NDUFS4: variants seen among roughly 807,000 people sequenced by gnomAD.
NDUFS4 encodes NADH dehydrogenase [ubiquinone] iron-sulfur protein 4, mitochondrial.
Under a neutral mutation model 24.3 loss-of-function variants are expected in NDUFS4, and 28 were observed. The observed-to-expected ratio is 1.15, with a 90% CI of 0.85 to 1.58. The LOEUF (loss-of-function observed/expected upper bound fraction) is 1.58. NDUFS4 is among the 40% of genes most tolerant of loss of function. NDUFS4 has a pLI of 0.00. For missense variants in NDUFS4, 223 were observed against 207.9 expected, an observed-to-expected ratio of 1.07 and a Z score of -0.45; for synonymous variants, 93 against 69.7, an observed-to-expected ratio of 1.34 and a Z score of -1.67.
chr5:53,634,502 A>T (rs1269873856), intron 2 of NDUFS4, among the ~76,000 whole-genome samples: 1 of 151,926 alleles, frequency 6.6e-6, no homozygotes, highest in Non-Finnish European at 1.5e-5. Flanking sequence ...AGCCTTTTTA[A>T]TTTATTACCA....
chr5:53,608,150 T>A (rs1750585343), intron 2 of NDUFS4, among the ~76,000 whole-genome samples: 1 of 152,214 alleles, frequency 6.6e-6, no homozygotes, highest in Non-Finnish European at 1.5e-5. Flanking sequence ...ATAAAAGTTA[T>A]GTTTCTACCA....
chr5:53,650,640 C>G (rs1751989940), intron 3 of NDUFS4, among the ~76,000 whole-genome samples: 1 of 152,172 alleles, frequency 6.6e-6, no homozygotes, highest in Non-Finnish European at 1.5e-5. Context: ...GAATGAGGGT[C>G]TTAGGACTGA....
chr5:53,632,104 A>G (rs1751427367), intron 2 of NDUFS4, among the ~76,000 whole-genome samples: 1 of 152,194 alleles, frequency 6.6e-6, no homozygotes, highest in Non-Finnish European at 1.5e-5. Context: ...GAAATCACCC[A>G]TCTTCTGCAT....
chr5:53,617,593 TTTC>T (rs979072842), intron 2 of NDUFS4, among the ~76,000 whole-genome samples: 22 of 152,264 alleles, frequency 1.4e-4, no homozygotes, highest in African/African-American at 5.1e-4. Context: ...TCCTTTTATC[TTTC>T]TTCTTCTTTC....
intron 1 of NDUFS4, among the ~76,000 whole-genome samples, chr5:53,588,171 CTGT>C (rs1409457674): frequency 2.0e-5 from 3 of 152,190 alleles, no homozygotes; most frequent in African/African-American, 7.2e-5. Flanking sequence ...ACACTGTAGA[CTGT>C]TAAGTGTGCA....
At chr5:53,605,215 C>T (rs1252685093) in intron 2 of NDUFS4, among the ~76,000 whole-genome samples, 1 of 152,096 alleles carries the variant, frequency 6.6e-6, no homozygotes, top group East Asian at 1.9e-4. Flanking sequence ...GAGTGAAACT[C>T]AGTCTGAAAA....
intron 2 of NDUFS4, among the ~76,000 whole-genome samples, chr5:53,616,251 A>C (rs1489207055): frequency 1.3e-5 from 2 of 150,410 alleles, no homozygotes; most frequent in Non-Finnish European, 3.0e-5. Context: ...GGCCCTGGGG[A>C]TGTAGCTATG....
intron 4 of NDUFS4, among the ~76,000 whole-genome samples, chr5:53,666,216 G>T (rs763412298): frequency 6.6e-6 from 1 of 151,976 alleles, no homozygotes; most frequent in Non-Finnish European, 1.5e-5. Context: ...CTGACACTTT[G>T]AAAATTATTC....
At chr5:53,669,744 G>A (rs12522533) in intron 4 of NDUFS4, among the ~76,000 whole-genome samples, 25,021 of 152,082 alleles carry the variant, frequency 0.16, 2,296 homozygotes, top group Non-Finnish European at 0.21. Flanking sequence ...CTGCCTATTG[G>A]ATTATAAGAA....
At chr5:53,680,578 A>G (rs1740630589) in intron 4 of NDUFS4, among the ~76,000 whole-genome samples, 1 of 152,174 alleles carries the variant, frequency 6.6e-6, no homozygotes, top group East Asian at 1.9e-4. Flanking sequence ...CATCATTCTC[A>G]GTAAACTATC....
At chr5:53,683,052 G>A in intron 4 of NDUFS4, 66 bp from the exon 5 acceptor site, 1 of 1,034,100 alleles carries the variant, frequency 9.7e-7, no homozygotes, top group Non-Finnish European at 1.5e-6. Context: ...GCCTCTGCTT[G>A]CTGTGCTTTT....
intron 4 of NDUFS4, among the ~76,000 whole-genome samples, chr5:53,660,399 T>C (rs426196): frequency 0.2 from 30,900 of 152,032 alleles, 3,667 homozygotes; most frequent in East Asian, 0.46. Flanking sequence ...CAGTCTATCA[T>C]TGTTGGACAT....
chr5:53,602,624 A>G (rs547560927), intron 1 of NDUFS4, among the ~76,000 whole-genome samples: 1 of 152,142 alleles, frequency 6.6e-6, no homozygotes, highest in East Asian at 1.9e-4. Context: ...ATATTGTATT[A>G]AAAAAAAGAA....
intron 4 of NDUFS4, among the ~76,000 whole-genome samples, chr5:53,663,428 G>C (rs1169038393): frequency 6.6e-6 from 1 of 152,088 alleles, no homozygotes; most frequent in Non-Finnish European, 1.5e-5. Flanking sequence ...GTTGACAGTG[G>C]GGTGTTAAAG....
chr5:53,570,674 AT>A (rs376174216), intron 1 of NDUFS4, among the ~76,000 whole-genome samples: 58 of 128,026 alleles, frequency 4.5e-4, no homozygotes, highest in African/African-American at 1.1e-3. Flanking sequence ...TTTGTATTGT[AT>A]TTTTTTTTCT....
intron 1 of NDUFS4, among the ~76,000 whole-genome samples, chr5:53,588,921 A>G (rs1435941380): frequency 6.6e-6 from 1 of 152,094 alleles, no homozygotes; most frequent in Non-Finnish European, 1.5e-5. Context: ...AAAGATTCCT[A>G]AACCGAAGCA....
At chr5:53,658,702 C>A in intron 4 of NDUFS4, 78 bp downstream of exon 4, 1 of 1,209,624 alleles carries the variant, frequency 8.3e-7, no homozygotes, top group Non-Finnish European at 1.2e-6. Context: ...ATTAAGTATA[C>A]AGAATTTGAG....
intron 1 of NDUFS4, among the ~76,000 whole-genome samples, chr5:53,589,239 C>T (rs150655423): frequency 4.6e-5 from 7 of 152,322 alleles, no homozygotes; most frequent in South Asian, 2.1e-4. Context: ...TTTAAATTCT[C>T]GTATGGTAGT....
chr5:53,622,238 C>G (rs1293233510), intron 2 of NDUFS4, among the ~76,000 whole-genome samples: 1 of 152,050 alleles, frequency 6.6e-6, no homozygotes, highest in Non-Finnish European at 1.5e-5. Flanking sequence ...TCTAGAAATC[C>G]CTTTATTTTG....
Sources: gnomAD v4.1 joint callset for allele counts (sites outside exome capture counted in the v4.1 genomes callset) on GRCh38, gnomAD v4.1.1 for gene constraint, MANE v1.5 for transcripts, NCBI Gene and HGNC (gene_info 2026-07-23, HGNC 2026-07-21) for gene names.